The following FMNL3 variants were observed in gnomAD, a reference collection of about 807,000 sequenced individuals.
FMNL3 encodes formin like 3.
A neutral mutation model predicts 119.6 loss-of-function variants in FMNL3; 57 were observed. That is an observed-to-expected ratio of 0.48 (90% CI 0.39 to 0.59). FMNL3 has a LOEUF of 0.59. Among genes scored for constraint, FMNL3 ranks in the 20% least tolerant of loss-of-function variants. The pLI is 0.00. For synonymous variants in FMNL3, 491 were observed against 507.3 expected, an observed-to-expected ratio of 0.97 and a Z score of 0.43; for missense variants, 1,053 against 1,323.5, an observed-to-expected ratio of 0.80 and a Z score of 3.17.
At chr12:49,674,796 C>G (rs1944139854) in intron 1 of FMNL3, among the ~76,000 whole-genome samples, 1 of 152,188 alleles carries the variant, frequency 6.6e-6, no homozygotes, top group Non-Finnish European at 1.5e-5. Flanking sequence ...ACTGAGGACT[C>G]TGTAACCAGA....
chr12:49,689,676 A>G (rs1944553209), intron 1 of FMNL3, among the ~76,000 whole-genome samples: 1 of 152,194 alleles, frequency 6.6e-6, no homozygotes, highest in Admixed American at 6.5e-5. Flanking sequence ...TGATCACACT[A>G]TTGCACTTCA....
rs1483258616 is a variant in FMNL3, at chr12:49,706,832, C to G, written c.126+223G>C. Reference sequence around the variant, plus strand: ...GACGGTCCCGAACTGGGGACTTCTCCTAAGGGTCCAGCGGTGGAGGCGTCG... The same window carrying G: ...GACGGTCCCGAACTGGGGACTTCTCGTAAGGGTCCAGCGGTGGAGGCGTCG... On this transcript the variant is annotated intron_variant, in intron 1 of 25. Coordinates refer to ENST00000335154, the MANE Select transcript of FMNL3 (RefSeq NM_175736.5). Among the ~76,000 whole-genome samples the G allele has an allele frequency of 6.6e-5, 10 of 152,310 alleles. No individual in the cohort carries two copies. In the East Asian group the frequency reaches 1.9e-3, roughly 29 times the overall value.
chr12:49,653,459 C>A, intron 12 of FMNL3, 132 bp from the exon 13 acceptor site: 1 of 956,996 alleles, frequency 1.0e-6, no homozygotes, highest in East Asian at 2.4e-5. Flanking sequence ...AGGTGGTTCC[C>A]TTATATTCCA....
chr12:49,679,390 C>T (rs1944276831), intron 1 of FMNL3, among the ~76,000 whole-genome samples: 1 of 152,140 alleles, frequency 6.6e-6, no homozygotes, highest in African/African-American at 2.4e-5. Context: ...ACCATCTCAA[C>T]CTTCCTCATG....
chr12:49,688,872 G>T (rs1944533490), intron 1 of FMNL3, among the ~76,000 whole-genome samples: 1 of 152,178 alleles, frequency 6.6e-6, no homozygotes, highest in African/African-American at 2.4e-5. Flanking sequence ...ACTATGAAAT[G>T]AGATATATTT....
chr12:49,670,503 C>T (rs1304952116), intron 1 of FMNL3, among the ~76,000 whole-genome samples: 2 of 152,078 alleles, frequency 1.3e-5, no homozygotes, highest in African/African-American at 2.4e-5. Flanking sequence ...TGGCTGGAAA[C>T]GAGGTCACTA....
rs1194642124 is a variant in FMNL3 at position 49,650,753 on chromosome 12, G to A, written c.1923C>T (p.Ala641=). Residue 641 remains alanine (A), a synonymous_variant, in exon 17 of 26, where the codon GCC becomes GCT. Transcript: ENST00000335154. The part of the protein sequence containing the change: ...KAASKVTLLE[A]NRAKNLAITL... ...TGATGGCCAGGTTCTTGGCACGATT[G>A]GCTTCCAACAGAGTCACCTTGCTGG... The A allele has an allele frequency of 6.2e-7, 1 of 1,614,222 alleles. No homozygotes were observed. Among genetic ancestry groups the A allele is most frequent in the Admixed American group, 1.7e-5 (1 of 60,032 alleles).
At chr12:49,697,519 A>G (rs1944783136) in intron 1 of FMNL3, among the ~76,000 whole-genome samples, 1 of 152,206 alleles carries the variant, frequency 6.6e-6, no homozygotes, top group Non-Finnish European at 1.5e-5. Flanking sequence ...ACACAGAGGG[A>G]TGTTTAACAG....
In FMNL3 at chr12:49,655,911, G is replaced by A. The variant is rs534458412; in HGVS notation, c.885+493C>T. ...CAGGGGCTGGGGGAAATTCCACACA[G>A]GAGTTCCTTCTCCCCTCACCAATAA... On this transcript the variant is annotated intron_variant, in intron 9 of 25. Transcript: ENST00000335154. Among the ~76,000 whole-genome samples, 3 of 152,288 alleles carry A rather than the reference G, an allele frequency of 2.0e-5. No homozygotes were observed. In the South Asian group the frequency reaches 6.2e-4, roughly 32 times the overall value.
chr12:49,660,822 A>G (rs11835085), intron 5 of FMNL3, among the ~76,000 whole-genome samples: 2,446 of 152,332 alleles, frequency 0.016, 60 homozygotes, highest in African/African-American at 0.051. Context: ...TTAGCTAAGC[A>G]TGGTGGTATA....
chr12:49,648,425 A>G lies in FMNL3; in HGVS notation c.2516-72T>C, dbSNP rs541082880. ...TCACCTCCCAGCCCAGAGCTATATCAAACTCTGGCCCTCCCCCTCAGCATG... is the reference window on the plus strand; with the variant it reads ...TCACCTCCCAGCCCAGAGCTATATCGAACTCTGGCCCTCCCCCTCAGCATG... On this transcript the variant is annotated intron_variant, in intron 21 of 25. Transcript: ENST00000335154. The G allele has an allele frequency of 2.2e-4, 332 of 1,494,398 alleles. 2 individuals are homozygous for G. In the South Asian group the frequency reaches 2.9e-3, roughly 13 times the overall value. 92.6% of individuals were successfully genotyped at this position (1,494,398 alleles called of 1,614,324 possible). A position where few individuals can be genotyped will look rare whatever the true frequency, so the allele number is the denominator to read the frequency against.
chr12:49,649,559 T>C lies in FMNL3; in HGVS notation c.2236-21A>G. 2.5e-6 allele frequency: 4 copies of C among 1,613,936 alleles called. No individual in the cohort carries two copies. The highest frequency in any genetic ancestry group is 3.4e-6 in the Non-Finnish European group (4 of 1,179,982). ...AGTTGCTGTAGGACAATATGAACACTGAAGTAACCCCAGGCTGAGATGGGG... is the reference window on the plus strand; with the variant it reads ...AGTTGCTGTAGGACAATATGAACACCGAAGTAACCCCAGGCTGAGATGGGG... On this transcript the variant is annotated intron_variant, in intron 18 of 25. Transcript: ENST00000335154. This position sits in a 1 kb window ranked among gnomAD's most constrained non-coding sequence, Gnocchi z 5.6.
intron 1 of FMNL3, among the ~76,000 whole-genome samples, chr12:49,668,981 G>A (rs1943966745): frequency 6.6e-6 from 1 of 152,120 alleles, no homozygotes; most frequent in Non-Finnish European, 1.5e-5. Flanking sequence ...AACCCACCAG[G>A]TTAAAGCAGC....
chr12:49,686,221 C>T (rs1482563668), intron 1 of FMNL3, among the ~76,000 whole-genome samples: 1 of 151,674 alleles, frequency 6.6e-6, no homozygotes, highest in Admixed American at 6.6e-5. Context: ...AATCCTTCTG[C>T]CTCAGCCTCC....
At position 49,653,163 on chromosome 12, in the gene FMNL3, C is replaced by G. The variant is rs546899110; in HGVS notation, c.1323+63G>C. 120 of 1,475,868 alleles carry G rather than the reference C, an allele frequency of 8.1e-5. 2 individuals are homozygous for G. In the South Asian group the frequency reaches 1.3e-3, roughly 16 times the overall value. 91.4% of individuals were successfully genotyped at this position (1,475,868 alleles called of 1,614,324 possible). ...CTTGATATGACTCAGGGAAAAAAAG[C>G]AGAACCCCAAGGCGCTGGAGCCCAG... is the stretch of plus-strand genomic sequence containing the variant. On this transcript the variant is annotated intron_variant, in intron 13 of 25. Coordinates refer to ENST00000335154, the MANE Select transcript of FMNL3 (RefSeq NM_175736.5).
rs748279920 is a variant in FMNL3 at position 49,647,050 on chromosome 12, C to G, written c.2872-41G>C. On this transcript the variant is annotated intron_variant, in intron 24 of 25. Coordinates refer to ENST00000335154, the MANE Select transcript of FMNL3 (RefSeq NM_175736.5). The surrounding 1 kb of genome is among the most constrained non-coding windows in gnomAD (Gnocchi z 4.9). Reference sequence around the variant, plus strand: ...TGGAGGGGAAGGAAGTCATCACTAACCTAATGTGGGACTGGTTCCTGCCCC... The same window carrying G: ...TGGAGGGGAAGGAAGTCATCACTAAGCTAATGTGGGACTGGTTCCTGCCCC... 4 of 1,612,932 alleles carry G rather than the reference C, an allele frequency of 2.5e-6. No homozygotes were observed. In the South Asian group the frequency reaches 4.4e-5, roughly 18 times the overall value.
intron 1 of FMNL3, among the ~76,000 whole-genome samples, chr12:49,703,029 A>C (rs919569102): frequency 1.3e-5 from 2 of 152,170 alleles, no homozygotes; most frequent in Non-Finnish European, 2.9e-5. Context: ...CACCAGGGAA[A>C]TGTGAGAGGA....
Position 49,637,233 on chromosome 12 carries a change from T to C in FMNL3, c.*8582A>G. The C allele has an allele frequency of 1.7e-6, 1 of 577,570 alleles. No homozygotes were observed. The highest frequency in any genetic ancestry group is 2.2e-5 in the South Asian group (1 of 46,362). 35.8% of individuals were successfully genotyped at this position (577,570 alleles called of 1,614,324 possible). A position where few individuals can be genotyped will look rare whatever the true frequency, so the allele number is the denominator to read the frequency against. ...GCAGGCAGGTTTCTGTTTCTTTGCA[T>C]CCCGGGACTGGCTTGTTCTCACCTT... On this transcript the variant is annotated 3_prime_UTR_variant, in exon 26 of 26. Transcript: ENST00000335154.
At chr12:49,676,100 C>A (rs1385261798) in intron 1 of FMNL3, among the ~76,000 whole-genome samples, 1 of 152,176 alleles carries the variant, frequency 6.6e-6, no homozygotes, top group Non-Finnish European at 1.5e-5. Flanking sequence ...CTCTTGAGCT[C>A]CAAGCATAAT....
Sources: gnomAD v4.1 joint callset for allele counts (sites outside exome capture counted in the v4.1 genomes callset) on GRCh38, gnomAD v4.1.1 for gene constraint, Gnocchi (gnomAD v3.1) non-coding constraint, MANE v1.5 for transcripts, NCBI Gene and HGNC (gene_info 2026-07-23, HGNC 2026-07-21) for gene names.